The following PALS2 variants were observed in gnomAD, a reference collection of about 807,000 sequenced individuals.
PALS2 encodes the protein protein PALS2.
Under a neutral mutation model 61.6 loss-of-function variants are expected in PALS2, and 27 were observed. The ratio of observed to expected loss-of-function variants is 0.44; its 90% CI spans 0.32 to 0.60. The LOEUF is 0.60. Among genes scored for constraint, PALS2 ranks in the 20% least tolerant of loss-of-function variants. The probability of loss-of-function intolerance (pLI) is 0.05; values close to 1 mark genes in which losing one functional copy is unlikely to be tolerated. For synonymous variants in PALS2, 236 were observed against 218.6 expected (o/e 1.08, Z -0.70); for missense variants, 554 against 639.4 (o/e 0.87, Z 1.44).
chr7:24,683,686 A>G (rs929371756), intron 11 of PALS2, among the ~76,000 whole-genome samples: 2 of 152,148 alleles, frequency 1.3e-5, no homozygotes, highest in African/African-American at 4.8e-5. Flanking sequence ...TTAAGACCAT[A>G]ATACTAACAG....
intron 1 of PALS2, among the ~76,000 whole-genome samples, chr7:24,578,977 G>T (rs1397523658): frequency 1.3e-5 from 2 of 152,142 alleles, no homozygotes; most frequent in African/African-American, 2.4e-5. Context: ...TATACAAAAA[G>T]GAAGTAAAAT....
At chr7:24,598,076 A>G (rs1415522324) in intron 1 of PALS2, among the ~76,000 whole-genome samples, 2 of 152,172 alleles carry the variant, frequency 1.3e-5, no homozygotes, top group South Asian at 2.1e-4. Context: ...GGCTGCCTAT[A>G]TTGAAATGTG....
intron 1 of PALS2, among the ~76,000 whole-genome samples, chr7:24,604,027 T>A (rs1347569361): frequency 1.3e-5 from 2 of 151,860 alleles, no homozygotes; most frequent in Non-Finnish European, 2.9e-5. Context: ...TCAAATTGGC[T>A]ATTTAGAATA....
intron 1 of PALS2, among the ~76,000 whole-genome samples, chr7:24,606,239 T>C (rs1211661255): frequency 6.6e-6 from 1 of 152,226 alleles, no homozygotes; most frequent in African/African-American, 2.4e-5. Context: ...CGTCATCTTA[T>C]GAATCAAGTA....
chr7:24,599,895 G>A (rs1206111753), intron 1 of PALS2, among the ~76,000 whole-genome samples: 1 of 151,762 alleles, frequency 6.6e-6, no homozygotes, highest in Non-Finnish European at 1.5e-5. Flanking sequence ...GCCTACACAG[G>A]GTCAGGATCA....
chr7:24,580,196 G>C (rs1400955083), intron 1 of PALS2, among the ~76,000 whole-genome samples: 2 of 152,088 alleles, frequency 1.3e-5, no homozygotes, highest in African/African-American at 4.8e-5. Context: ...TTTATATTTT[G>C]TTCTGTAGGT....
intron 9 of PALS2, among the ~76,000 whole-genome samples, chr7:24,673,633 A>G (rs1222585101): frequency 1.3e-5 from 2 of 151,992 alleles, no homozygotes; most frequent in Non-Finnish European, 2.9e-5. Context: ...CAGGGTTCAT[A>G]GTAATGTTTT....
At chr7:24,624,532 C>T (rs1025254181) in intron 2 of PALS2, among the ~76,000 whole-genome samples, 4 of 149,580 alleles carry the variant, frequency 2.7e-5, no homozygotes, top group Middle Eastern at 3.4e-3. Context: ...TACTTGTTTT[C>T]TTCCAAGACC....
intron 9 of PALS2, among the ~76,000 whole-genome samples, chr7:24,678,582 TG>T (rs927620258): frequency 2.0e-5 from 3 of 152,186 alleles, no homozygotes; most frequent in African/African-American, 7.2e-5. Context: ...GCTCACGTTT[TG>T]GGGCAGTTAG....
chr7:24,589,462 T>C (rs1424769558), intron 1 of PALS2: 1 of 152,190 alleles, frequency 6.6e-6, no homozygotes, highest in African/African-American at 2.4e-5. Context: ...AGGTACCTCA[T>C]GTATGTGCAC....
intron 1 of PALS2, among the ~76,000 whole-genome samples, chr7:24,622,069 A>G (rs1042972024): frequency 6.6e-6 from 1 of 152,050 alleles, no homozygotes; most frequent in Non-Finnish European, 1.5e-5. Context: ...TGATTACTGT[A>G]GCTTTTTAGT....
chr7:24,681,704 A>C (rs548620736), intron 11 of PALS2, among the ~76,000 whole-genome samples: 1 of 152,226 alleles, frequency 6.6e-6, no homozygotes, highest in African/African-American at 2.4e-5. Context: ...ACATATTTGT[A>C]CTCATGAAAG....
intron 1 of PALS2, among the ~76,000 whole-genome samples, chr7:24,612,219 A>G (rs558946505): frequency 3.0e-4 from 46 of 152,106 alleles, no homozygotes; most frequent in African/African-American, 2.4e-5. Context: ...TCAATCTAAC[A>G]TATTTTACTG....
At chr7:24,633,122 G>A (rs1296485314) in intron 2 of PALS2, among the ~76,000 whole-genome samples, 1 of 151,916 alleles carries the variant, frequency 6.6e-6, no homozygotes, top group Non-Finnish European at 1.5e-5. Context: ...TTAGGAATAA[G>A]AAAAATAAAA....
intron 6 of PALS2, among the ~76,000 whole-genome samples, chr7:24,664,594 A>C (rs1562651748): frequency 6.6e-6 from 1 of 152,180 alleles, no homozygotes; most frequent in Non-Finnish European, 1.5e-5. Flanking sequence ...TCTACTTCTA[A>C]GGAGAAACAA....
chr7:24,660,111 T>C (rs553645920), intron 5 of PALS2, among the ~76,000 whole-genome samples: 3 of 152,228 alleles, frequency 2.0e-5, no homozygotes, highest in Non-Finnish European at 4.4e-5. Context: ...AAAGACATTG[T>C]TTCACATATT....
intron 1 of PALS2, among the ~76,000 whole-genome samples, chr7:24,611,863 A>C (rs1475686832): frequency 6.6e-6 from 1 of 151,968 alleles, no homozygotes; most frequent in African/African-American, 2.4e-5. Flanking sequence ...AATATATTAA[A>C]ATGCTTATAA....
intron 11 of PALS2, among the ~76,000 whole-genome samples, chr7:24,680,889 C>A (rs949544345): frequency 6.6e-6 from 1 of 152,204 alleles, no homozygotes; most frequent in South Asian, 2.1e-4. Flanking sequence ...AGCCACCGTG[C>A]CTGGCCAACT....
chr7:24,644,697 T>G (rs568551053), intron 3 of PALS2, among the ~76,000 whole-genome samples: 45 of 152,282 alleles, frequency 3.0e-4, no homozygotes, highest in South Asian at 6.2e-4. Flanking sequence ...GTAGTTCTGC[T>G]TTTAGCTCTT....
Sources: gnomAD v4.1 joint callset for allele counts (sites outside exome capture counted in the v4.1 genomes callset) on GRCh38, gnomAD v4.1.1 for gene constraint, MANE v1.5 for transcripts, NCBI Gene and HGNC (gene_info 2026-07-23, HGNC 2026-07-21) for gene names.